Variants in LYRM4 observed in about 807,000 individuals in gnomAD.
The protein encoded by LYRM4 is LYR motif-containing protein 4.
In LYRM4, 9 loss-of-function variants were observed where a neutral mutation model predicts 11.7. The observed-to-expected ratio is 0.77, with a 90% CI of 0.46 to 1.34. The LOEUF (loss-of-function observed/expected upper bound fraction) is 1.34. Ranked by LOEUF, LYRM4 falls within the 40% of genes most tolerant of loss-of-function variation. The pLI, the probability that LYRM4 is intolerant of heterozygous loss-of-function variation, is 0.00. For synonymous variants in LYRM4, 42 were observed against 40.4 expected (o/e 1.04, Z -0.15); for missense variants, 133 against 112.5 (o/e 1.18, Z -0.82).
At chr6:5,222,811 C>G (rs1762661860) in intron 1 of LYRM4, among the ~76,000 whole-genome samples, 1 of 127,758 alleles carries the variant, frequency 7.8e-6, no homozygotes, top group Admixed American at 8.3e-5. Context: ...ATGTACATGG[C>G]TGACAGAAGC....
the LYRM4 span, among the ~76,000 whole-genome samples, chr6:5,075,301 A>T: frequency 6.6e-6 from 1 of 152,264 alleles, no homozygotes. Context: ...CAAAACAGGT[A>T]GAAGTATGAC....
the LYRM4 span, among the ~76,000 whole-genome samples, chr6:5,064,684 G>A: frequency 1.3e-5 from 2 of 152,078 alleles, no homozygotes; most frequent in Non-Finnish European, 2.9e-5. Context: ...GGACTACAAG[G>A]GCGAACCATT....
the LYRM4 span, among the ~76,000 whole-genome samples, chr6:5,057,628 T>C: frequency 2.0e-5 from 3 of 150,802 alleles, no homozygotes; most frequent in Admixed American, 6.6e-5. Flanking sequence ...GGCAGGGGAA[T>C]CGCTTGAACC....
chr6:5,046,713 C>T, the LYRM4 span, among the ~76,000 whole-genome samples: 1 of 152,138 alleles, frequency 6.6e-6, no homozygotes, highest in African/African-American at 2.4e-5. Flanking sequence ...TGCCAAGATA[C>T]CCAGGTGGAA....
Position 5,234,939 on chromosome 6 carries a change from T to C in LYRM4, c.87-18201A>G, listed in dbSNP as rs186135668. The stretch of plus-strand genomic sequence containing the variant: ...CCCCCTACTCCCAAACCCCCAGAGC[T>C]CAGGTTCACTGCCAGCTGCACTCCA... On this transcript the variant is annotated intron_variant, in intron 1 of 2. Coordinates refer to ENST00000330636, the MANE Select transcript of LYRM4 (RefSeq NM_020408.6). 5.9e-5 allele frequency among the ~76,000 whole-genome samples: 9 copies of C among 152,122 alleles called. No individual in the cohort carries two copies. In the East Asian group the frequency reaches 1.7e-3, roughly 29 times the overall value.
downstream of LYRM4, chr6:5,104,495 G>C (rs922356607): frequency 6.6e-6 from 1 of 151,918 alleles, no homozygotes; most frequent in African/African-American, 2.4e-5. Context: ...GGCTGGTCTC[G>C]AACTCCTGAG....
intron 1 of LYRM4, among the ~76,000 whole-genome samples, chr6:5,235,395 T>A (rs979356477): frequency 6.6e-6 from 1 of 152,150 alleles, no homozygotes; most frequent in Non-Finnish European, 1.5e-5. Context: ...CTAGAAGGAG[T>A]AAAAATTCAG....
At chr6:5,173,472 T>C (rs1561847914) in intron 2 of LYRM4, among the ~76,000 whole-genome samples, 1 of 152,242 alleles carries the variant, frequency 6.6e-6, no homozygotes, top group Non-Finnish European at 1.5e-5. Flanking sequence ...AGTCATACAA[T>C]AAGAGTTCTA....
chr6:5,121,531 C>T lies in LYRM4; in HGVS notation c.208-12040G>A, dbSNP rs529514348. ...GAGTCCCCTGGAGCTGGCATTGCAG[C>T]ATTGCACAACAGAGGATCCCCGAGA... is the stretch of plus-strand genomic sequence containing the variant. On this transcript the variant is annotated intron_variant, in intron 2 of 2. Coordinates refer to ENST00000330636, the MANE Select transcript of LYRM4 (RefSeq NM_020408.6). 1.2e-4 allele frequency among the ~76,000 whole-genome samples: 19 copies of T among 152,308 alleles called. No individual in the cohort carries two copies. In the East Asian group the frequency reaches 3.7e-3, roughly 29 times the overall value.
chr6:5,178,280 C>T (rs2127674174), intron 2 of LYRM4, among the ~76,000 whole-genome samples: 1 of 152,206 alleles, frequency 6.6e-6, no homozygotes, highest in Admixed American at 6.5e-5. Flanking sequence ...CACTATACTA[C>T]TCAATTTTCT....
chr6:5,123,574 T>C (rs144761574), intron 2 of LYRM4, among the ~76,000 whole-genome samples: 1 of 152,342 alleles, frequency 6.6e-6, no homozygotes, highest in African/African-American at 2.4e-5. Context: ...TGGTCAGAAG[T>C]TGAACAACTT....
intron 2 of LYRM4, among the ~76,000 whole-genome samples, chr6:5,143,876 C>T (rs147072741): frequency 1.2e-4 from 18 of 152,340 alleles, no homozygotes; most frequent in Non-Finnish European, 2.2e-4. Context: ...TGGCTCTTCA[C>T]AGCTATTGTA....
the LYRM4 span, among the ~76,000 whole-genome samples, chr6:5,093,622 G>A: frequency 6.6e-6 from 1 of 152,250 alleles, no homozygotes; most frequent in African/African-American, 2.4e-5. Flanking sequence ...TTTTTAAAAG[G>A]AGTCTGTACT....
chr6:5,260,601 C>CCGGCCCCCGGG, intron 1 of LYRM4, 47 bp downstream of exon 1: 2 of 1,202,676 alleles, frequency 1.7e-6, no homozygotes, highest in Non-Finnish European at 2.3e-6. Context: ...CCCCCGGTCC[C>CCGGCCCCCGGG]CGGCCCCTGG....
chr6:5,255,211 G>A (rs1034597971), intron 1 of LYRM4, among the ~76,000 whole-genome samples: 17 of 152,114 alleles, frequency 1.1e-4, no homozygotes, highest in Non-Finnish European at 1.2e-4. Flanking sequence ...CCTTTCAGGG[G>A]ATCCACCAGG....
intron 1 of LYRM4, among the ~76,000 whole-genome samples, chr6:5,240,188 C>G (rs2127754933): frequency 6.6e-6 from 1 of 152,216 alleles, no homozygotes; most frequent in Admixed American, 6.5e-5. Flanking sequence ...CCTTTCCAGG[C>G]CTTCTCTACG....
intron 2 of LYRM4, among the ~76,000 whole-genome samples, chr6:5,170,965 C>G (rs376552031): frequency 1.1e-4 from 16 of 152,114 alleles, no homozygotes; most frequent in East Asian, 3.9e-4. Context: ...CCATTTTAAA[C>G]TGATGATGCA....
At chr6:5,115,440 G>A (rs1055341329) in intron 2 of LYRM4, among the ~76,000 whole-genome samples, 13 of 152,258 alleles carry the variant, frequency 8.5e-5, no homozygotes, top group African/African-American at 2.9e-4. Flanking sequence ...TCTATGCGGC[G>A]GCTAGAACAA....
the LYRM4 span, among the ~76,000 whole-genome samples, chr6:5,067,896 G>A: frequency 4.7e-3 from 722 of 152,290 alleles, 6 homozygotes; most frequent in Middle Eastern, 0.027. Context: ...ATAGTGTGAT[G>A]ATTTCAACTT....
Sources: gnomAD v4.1 joint callset for allele counts (sites outside exome capture counted in the v4.1 genomes callset) on GRCh38, gnomAD v4.1.1 for gene constraint, MANE v1.5 for transcripts, NCBI Gene and HGNC (gene_info 2026-07-23, HGNC 2026-07-21) for gene names.